The following CCDC7 variants were observed in gnomAD, a reference collection of about 807,000 sequenced individuals.
The protein encoded by CCDC7 is coiled-coil domain containing 7, also known as coiled-coil domain-containing protein 7.
In CCDC7, 183 loss-of-function variants were observed where a neutral mutation model predicts 196.9. The observed-to-expected ratio is 0.93, with a 90% CI of 0.82 to 1.05. CCDC7 has a LOEUF of 1.05. Among genes scored for constraint, CCDC7 ranks in the 50% least tolerant of loss-of-function variants. The pLI, the probability that CCDC7 is intolerant of heterozygous loss-of-function variation, is 0.00. For synonymous variants in CCDC7, 525 were observed against 484.6 expected (o/e 1.08, Z -1.10); for missense variants, 1,540 against 1,482.2 (o/e 1.04, Z -0.64).
chr10:32,853,877 T>C (rs2093655207), intron 40 of CCDC7, among the ~76,000 whole-genome samples: 1 of 152,170 alleles, frequency 6.6e-6, no homozygotes, highest in South Asian at 2.1e-4. Context: ...CTTCATTTGT[T>C]TTCATATTTT....
intron 8 of CCDC7, among the ~76,000 whole-genome samples, chr10:32,476,983 G>T (rs760204738): frequency 2.0e-5 from 3 of 152,128 alleles, no homozygotes; most frequent in Non-Finnish European, 4.4e-5. Context: ...ATTTGGCAAA[G>T]ATATTCTCTC....
intron 25 of CCDC7, among the ~76,000 whole-genome samples, chr10:32,717,445 C>T (rs1288622662): frequency 2.6e-5 from 4 of 151,978 alleles, no homozygotes; most frequent in African/African-American, 4.8e-5. Context: ...ACCTAAAATC[C>T]GTACCCTAAC....
At chr10:32,513,679 T>C (rs1443818439) in intron 9 of CCDC7, 1 of 152,168 alleles carries the variant, frequency 6.6e-6, no homozygotes, top group African/African-American at 2.4e-5. Flanking sequence ...ATTTTAGGAA[T>C]GCAAGGTTGA....
intron 20 of CCDC7, among the ~76,000 whole-genome samples, chr10:32,657,313 C>T (rs1214315110): frequency 3.3e-5 from 5 of 152,260 alleles, no homozygotes; most frequent in East Asian, 3.8e-4. Flanking sequence ...CCCTTCTACA[C>T]TGCCCTAGCA....
intron 41 of CCDC7, among the ~76,000 whole-genome samples, chr10:32,867,818 G>A (rs950535041): frequency 1.3e-5 from 2 of 151,476 alleles, no homozygotes; most frequent in Non-Finnish European, 2.9e-5. Context: ...CAGTTTAGTC[G>A]CATTAAATAC....
chr10:32,632,854 T>A (rs538400133), intron 18 of CCDC7, among the ~76,000 whole-genome samples: 3 of 152,186 alleles, frequency 2.0e-5, no homozygotes, highest in Non-Finnish European at 4.4e-5. Context: ...ATTTATGGCC[T>A]AACATATTGC....
intron 3 of CCDC7, among the ~76,000 whole-genome samples, chr10:32,457,463 C>T (rs933678559): frequency 2.6e-5 from 4 of 152,028 alleles, no homozygotes; most frequent in Admixed American, 6.6e-5. Flanking sequence ...TATATATTGG[C>T]GATTGCAGTT....
intron 28 of CCDC7, among the ~76,000 whole-genome samples, chr10:32,770,533 T>A (rs192171439): frequency 2.0e-5 from 3 of 152,300 alleles, no homozygotes; most frequent in Admixed American, 1.3e-4. Flanking sequence ...TGTGGCCTAT[T>A]ATATGGTCTG....
intron 3 of CCDC7, among the ~76,000 whole-genome samples, chr10:32,460,710 A>G (rs1181854250): frequency 6.6e-6 from 1 of 152,214 alleles, no homozygotes; most frequent in Non-Finnish European, 1.5e-5. Context: ...GAAGGATCTC[A>G]GCACTTTTTG....
chr10:32,762,811 C>T (rs147612374), intron 28 of CCDC7, among the ~76,000 whole-genome samples: 64 of 151,704 alleles, frequency 4.2e-4, no homozygotes, highest in Admixed American at 2.5e-3. Context: ...AATACTCAAA[C>T]GCAAAATAAT....
chr10:32,839,117 A>ATT (rs1466561085), intron 33 of CCDC7, among the ~76,000 whole-genome samples: 1 of 152,018 alleles, frequency 6.6e-6, no homozygotes, highest in East Asian at 1.9e-4. Context: ...GGTAAGATGA[A>ATT]TGGAATAGTA....
chr10:32,716,687 A>G (rs2081632444), intron 25 of CCDC7, among the ~76,000 whole-genome samples: 1 of 152,220 alleles, frequency 6.6e-6, no homozygotes, highest in Non-Finnish European at 1.5e-5. Flanking sequence ...GCCTCAAAAT[A>G]ATGGGATGGA....
chr10:32,729,355 A>C (rs1280109377), exon 28 of CCDC7: 6 of 1,562,458 alleles, frequency 3.8e-6, no homozygotes, highest in Non-Finnish European at 4.3e-6. Flanking sequence ...AATCAAAAAA[A>C]AGGATATATC....
chr10:32,533,170 T>A (rs1486943132), intron 11 of CCDC7, among the ~76,000 whole-genome samples: 1 of 151,888 alleles, frequency 6.6e-6, no homozygotes, highest in Non-Finnish European at 1.5e-5. Context: ...CAAAGAACAT[T>A]GTATAGATAT....
At chr10:32,769,755 G>C (rs1247907248) in intron 28 of CCDC7, among the ~76,000 whole-genome samples, 1 of 151,824 alleles carries the variant, frequency 6.6e-6, no homozygotes, top group Admixed American at 6.6e-5. Flanking sequence ...TCCTGTGTTA[G>C]TTTGCTGAGA....
At chr10:32,539,423 T>C (rs2051038605) in intron 11 of CCDC7, among the ~76,000 whole-genome samples, 1 of 152,110 alleles carries the variant, frequency 6.6e-6, no homozygotes, top group South Asian at 2.1e-4. Flanking sequence ...TCTCTCTGTT[T>C]TTATTTGTGT....
At position 32,546,619 on chromosome 10, in the gene CCDC7, A is replaced by G. The variant is rs7098946; in HGVS notation, c.1134+2318A>G. On this transcript the variant is annotated intron_variant, in intron 13 of 41. Coordinates refer to ENST00000639629, the Ensembl canonical transcript of CCDC7. The stretch of plus-strand genomic sequence containing the variant: ...ATTTTGTAAAAAACAAGAGTACCAC[A>G]TAAAATAGTGAATATAAAATGTACT... Among the ~76,000 whole-genome samples, 1,070 of 152,348 alleles carry G rather than the reference A, an allele frequency of 7.0e-3. 13 individuals carry two copies. The highest frequency in any genetic ancestry group is 0.025 in the African/African-American group (1,021 of 41,580).
chr10:32,668,953 T>A (rs1447046705), intron 21 of CCDC7, among the ~76,000 whole-genome samples: 1 of 152,162 alleles, frequency 6.6e-6, no homozygotes, highest in Non-Finnish European at 1.5e-5. Context: ...GTGGTAAGAA[T>A]AAGCATCCTT....
At chr10:32,648,916 A>G (rs1338737880) in intron 20 of CCDC7, among the ~76,000 whole-genome samples, 1 of 152,202 alleles carries the variant, frequency 6.6e-6, no homozygotes, top group Non-Finnish European at 1.5e-5. Context: ...CTAAATACCT[A>G]TCAATGACAA....
Sources: allele counts gnomAD v4.1 joint callset (sites outside exome capture counted in the v4.1 genomes callset), GRCh38; gene constraint gnomAD v4.1.1; transcripts MANE v1.5; gene names NCBI Gene and HGNC (gene_info 2026-07-23, HGNC 2026-07-21).